SAMD12: variants seen among roughly 807,000 people sequenced by gnomAD.
SAMD12 encodes the protein sterile alpha motif domain containing 12, also known as sterile alpha motif domain-containing protein 12.
In SAMD12, 9 loss-of-function variants were observed where a neutral mutation model predicts 15.0. That is an observed-to-expected ratio of 0.60 (90% CI 0.36 to 1.05). SAMD12 has a LOEUF of 1.05. Among genes scored for constraint, SAMD12 ranks in the 50% least tolerant of loss-of-function variants. SAMD12 has a pLI of 0.01. For missense variants in SAMD12, 230 were observed against 234.2 expected (o/e 0.98, Z 0.12); for synonymous variants, 86 against 90.1 (o/e 0.96, Z 0.25).
chr8:118,173,565 T>A, the SAMD12 span, among the ~76,000 whole-genome samples: 1 of 147,874 alleles, frequency 6.8e-6, no homozygotes, highest in African/African-American at 2.4e-5. Flanking sequence ...TATATATATA[T>A]AATCTATATA....
chr8:118,592,319 G>A (rs1827602427), intron 1 of SAMD12, among the ~76,000 whole-genome samples: 1 of 152,060 alleles, frequency 6.6e-6, no homozygotes, highest in Non-Finnish European at 1.5e-5. Context: ...ATGGCAAATG[G>A]GAAATGAAAT....
chr8:118,329,541 G>A (rs1030516511), intron 4 of SAMD12, among the ~76,000 whole-genome samples: 3 of 151,952 alleles, frequency 2.0e-5, no homozygotes, highest in African/African-American at 7.3e-5. Context: ...CCTGATCCCC[G>A]CCCTTCACTC....
chr8:118,189,132 A>G (rs1819293947), downstream of SAMD12, among the ~76,000 whole-genome samples: 1 of 152,090 alleles, frequency 6.6e-6, no homozygotes, highest in East Asian at 1.9e-4. Context: ...GGTGAAGAGA[A>G]TTGCATCTAT....
chr8:118,208,212 G>A lies in SAMD12; in HGVS notation c.434-10480C>T, dbSNP rs138964132. 5.7e-4 allele frequency among the ~76,000 whole-genome samples: 86 copies of A among 152,162 alleles called. 1 individual carries two copies. The East Asian group carries it at 0.015, about 26-fold the overall frequency. On this transcript the variant is annotated intron_variant, in intron 4 of 4. Coordinates refer to the SAMD12 transcript ENST00000409003. Reference sequence around the variant, plus strand: ...GCAGAGGTTGTGGTGAGCCGAGATTGTGCCATTGCACTCCAGCCTGGGCAA... The same window carrying A: ...GCAGAGGTTGTGGTGAGCCGAGATTATGCCATTGCACTCCAGCCTGGGCAA...
At chr8:118,409,575 A>T (rs1375440107) in intron 3 of SAMD12, among the ~76,000 whole-genome samples, 1 of 152,094 alleles carries the variant, frequency 6.6e-6, no homozygotes, top group Non-Finnish European at 1.5e-5. Flanking sequence ...TATCTAAAGA[A>T]ATAAGATTAG....
chr8:118,360,830 A>G (rs1182890833), intron 4 of SAMD12, among the ~76,000 whole-genome samples: 4 of 152,206 alleles, frequency 2.6e-5, no homozygotes, highest in Non-Finnish European at 4.4e-5. Context: ...ATTCAAGGTA[A>G]TATTACCCCT....
intron 3 of SAMD12, among the ~76,000 whole-genome samples, chr8:118,403,187 G>A (rs896771964): frequency 6.6e-6 from 1 of 152,174 alleles, no homozygotes; most frequent in African/African-American, 2.4e-5. Flanking sequence ...TCAAATTCAA[G>A]AGTATTTCCT....
At chr8:118,162,557 C>A in the SAMD12 span, among the ~76,000 whole-genome samples, 2 of 152,028 alleles carry the variant, frequency 1.3e-5, no homozygotes, top group South Asian at 4.2e-4. Flanking sequence ...ATCCTGATGA[C>A]TTATTCAGGT....
chr8:118,229,776 A>G (rs2451177), intron 4 of SAMD12, among the ~76,000 whole-genome samples: 131,431 of 151,796 alleles, frequency 0.87, 58,060 homozygotes, highest in Non-Finnish European at 0.92. Context: ...GTCACATAGA[A>G]TTCCCCTATA....
chr8:118,199,227 G>C (rs1004691566), intron 4 of SAMD12, among the ~76,000 whole-genome samples: 1 of 152,170 alleles, frequency 6.6e-6, no homozygotes, highest in Non-Finnish European at 1.5e-5. Flanking sequence ...GGCTCACAGG[G>C]TTGCAGGATT....
At chr8:118,546,120 C>T (rs1401087663) in intron 2 of SAMD12, among the ~76,000 whole-genome samples, 7 of 152,192 alleles carry the variant, frequency 4.6e-5, no homozygotes, top group South Asian at 2.1e-4. Context: ...TGCAGTGCAG[C>T]GAGAAACCCA....
At chr8:118,301,717 C>T (rs973164750) in intron 4 of SAMD12, among the ~76,000 whole-genome samples, 12 of 152,206 alleles carry the variant, frequency 7.9e-5, no homozygotes, top group African/African-American at 2.4e-4. Flanking sequence ...GAAAGTCTTA[C>T]AGGCTCCTGA....
chr8:118,608,797 T>C (rs1366226686), intron 1 of SAMD12, among the ~76,000 whole-genome samples: 1 of 152,092 alleles, frequency 6.6e-6, no homozygotes, highest in Admixed American at 6.6e-5. Context: ...GTACCATGTG[T>C]GAGCATGTGG....
intron 4 of SAMD12, among the ~76,000 whole-genome samples, chr8:118,321,919 C>T (rs1187614980): frequency 6.6e-6 from 1 of 152,154 alleles, no homozygotes; most frequent in Non-Finnish European, 1.5e-5. Flanking sequence ...ACTTTCTACT[C>T]ACTCAATACC....
At chr8:118,513,042 G>GT (rs1825131738) in intron 2 of SAMD12, among the ~76,000 whole-genome samples, 1 of 151,538 alleles carries the variant, frequency 6.6e-6, no homozygotes, top group East Asian at 1.9e-4. Context: ...TGTCATATGT[G>GT]TATCTTTTTC....
At chr8:118,185,773 T>G (rs934401805), downstream of SAMD12, among the ~76,000 whole-genome samples, 6 of 152,224 alleles carry the variant, frequency 3.9e-5, no homozygotes, top group African/African-American at 1.2e-4. Context: ...AAGGCTGGGA[T>G]GTGATAGGCT....
At chr8:118,441,133 G>C in intron 2 of SAMD12, among the ~76,000 whole-genome samples, 1 of 151,990 alleles carries the variant, frequency 6.6e-6, no homozygotes, top group Non-Finnish European at 1.5e-5. Context: ...TTGTTTCCTT[G>C]ACAAAGAAAG....
At chr8:118,431,878 CAT>C (rs918896857) in intron 3 of SAMD12, among the ~76,000 whole-genome samples, 2 of 152,094 alleles carry the variant, frequency 1.3e-5, no homozygotes, top group African/African-American at 4.8e-5. Context: ...TCTAGTAATG[CAT>C]ATGTTACATC....
At chr8:118,217,870 T>C (rs1477233550) in intron 4 of SAMD12, among the ~76,000 whole-genome samples, 1 of 152,176 alleles carries the variant, frequency 6.6e-6, no homozygotes, top group East Asian at 1.9e-4. Flanking sequence ...TTGACTCTGA[T>C]TTCTGGATGT....
Sources: allele counts gnomAD v4.1 joint callset (sites outside exome capture counted in the v4.1 genomes callset), GRCh38; gene constraint gnomAD v4.1.1; transcripts MANE v1.5; gene names NCBI Gene and HGNC (gene_info 2026-07-23, HGNC 2026-07-21).